ROBO2: variants seen among roughly 807,000 people sequenced by gnomAD.
The protein encoded by ROBO2 is roundabout homolog 2.
Under a neutral mutation model 160.8 loss-of-function variants are expected in ROBO2, and 53 were observed. The ratio of observed to expected loss-of-function variants is 0.33; its 90% CI spans 0.26 to 0.41. The LOEUF is 0.41. Among genes scored for constraint, ROBO2 ranks in the 10% least tolerant of loss-of-function variants. The probability of loss-of-function intolerance (pLI) is 1.00; values close to 1 mark genes in which losing one functional copy is unlikely to be tolerated. For missense variants in ROBO2, 1,577 were observed against 1,722.4 expected, an observed-to-expected ratio of 0.92 and a Z score of 1.49; for synonymous variants, 664 against 611.7, an observed-to-expected ratio of 1.09 and a Z score of -1.26.
chr3:76,603,332 C>CA lies in ROBO2; in HGVS notation c.110-494662dup, dbSNP rs61547121. Among the ~76,000 whole-genome samples, 42 of 66,502 alleles carry CA rather than the reference C, an allele frequency of 6.3e-4. 1 individual carries two copies. The highest frequency in any genetic ancestry group is 1.3e-3 in the South Asian group (2 of 1,592). The allele number at this position is 66,502 out of a possible 152,430, so 43.6% of individuals were successfully genotyped here. On this transcript the variant is annotated intron_variant, in intron 2 of 26. Transcript: ENST00000487694. The stretch of plus-strand genomic sequence containing the variant: ...GGGTGACAGAGCGAGACTCCATCTC[C>CA]AAAAAAAAAAAAAAAAAAAATATAT...
chr3:76,178,972 C>T (rs1039951103), intron 2 of ROBO2, among the ~76,000 whole-genome samples: 12 of 151,942 alleles, frequency 7.9e-5, no homozygotes, highest in Non-Finnish European at 4.4e-5. Flanking sequence ...AAAAAGGAAC[C>T]TTGTTCTTCA....
In ROBO2 at chr3:77,006,032, T is replaced by C. The variant is rs142839892; in HGVS notation, c.110-91982T>C. 5.7e-3 allele frequency among the ~76,000 whole-genome samples: 810 copies of C among 142,856 alleles called. 11 individuals are homozygous for C. Among genetic ancestry groups the C allele is most frequent in the African/African-American group, 0.019 (740 of 38,142 alleles). The allele number at this position is 142,856 out of a possible 152,430, so 93.7% of individuals were successfully genotyped here. Reference sequence around the variant, plus strand: ...GTTAGTCTTATTTGAGCTTTAGATATATTTGCTTATAGACTTTTTTTTTCA... The same window carrying C: ...GTTAGTCTTATTTGAGCTTTAGATACATTTGCTTATAGACTTTTTTTTTCA... On this transcript the variant is annotated intron_variant, in intron 2 of 26. Coordinates refer to the ROBO2 transcript ENST00000487694.
At chr3:76,623,055 T>C (rs1189426850) in intron 2 of ROBO2, among the ~76,000 whole-genome samples, 2 of 146,740 alleles carry the variant, frequency 1.4e-5, no homozygotes, top group African/African-American at 2.5e-5. Flanking sequence ...GAAGCATCAA[T>C]GCATGTACTA....
At chr3:77,419,624 AT>A (rs2077540380) in intron 2 of ROBO2, among the ~76,000 whole-genome samples, 1 of 152,174 alleles carries the variant, frequency 6.6e-6, no homozygotes, top group South Asian at 2.1e-4. Flanking sequence ...ATTACACAAT[AT>A]AAAAATATTA....
chr3:77,071,336 A>G (rs1019440222), intron 1 of ROBO2, among the ~76,000 whole-genome samples: 6 of 152,238 alleles, frequency 3.9e-5, no homozygotes, highest in Middle Eastern at 3.2e-3. Flanking sequence ...ATATGTCAGT[A>G]AAGTCTAAAA....
At chr3:77,374,726 G>C (rs1246294463) in intron 2 of ROBO2, among the ~76,000 whole-genome samples, 1 of 152,182 alleles carries the variant, frequency 6.6e-6, no homozygotes, top group East Asian at 1.9e-4. Context: ...TACTAAGAGA[G>C]TAGCTGAGAT....
chr3:76,367,305 C>A (rs1026553742), intron 2 of ROBO2, among the ~76,000 whole-genome samples: 2 of 151,980 alleles, frequency 1.3e-5, no homozygotes, highest in Admixed American at 1.3e-4. Flanking sequence ...AAACTCATGC[C>A]TGTAGTTATA....
chr3:76,472,698 C>A (rs1457837721), intron 2 of ROBO2, among the ~76,000 whole-genome samples: 1 of 152,114 alleles, frequency 6.6e-6, no homozygotes, highest in African/African-American at 2.4e-5. Context: ...GTTATATAAT[C>A]TCTTAAAAAT....
Position 76,654,915 on chromosome 3 carries a change from A to G in ROBO2, c.110-443099A>G, listed in dbSNP as rs556161429. On this transcript the variant is annotated intron_variant, in intron 2 of 26. Coordinates refer to the ROBO2 transcript ENST00000487694. ...TGCATGTGTGTACATATGTGTGTGTATATATATATATATTTATATATATAA... is the reference window on the plus strand; with the variant it reads ...TGCATGTGTGTACATATGTGTGTGTGTATATATATATATTTATATATATAA... 3.5e-3 allele frequency among the ~76,000 whole-genome samples: 447 copies of G among 128,098 alleles called. 3 individuals are homozygous for G. The highest frequency in any genetic ancestry group is 0.012 in the African/African-American group (399 of 34,154). The allele number at this position is 128,098 out of a possible 152,430, so 84.0% of individuals were successfully genotyped here.
chr3:77,374,221 A>G (rs926646326), intron 2 of ROBO2, among the ~76,000 whole-genome samples: 1 of 150,968 alleles, frequency 6.6e-6, no homozygotes. Flanking sequence ...TAAAGAAAAA[A>G]ACAAACTACA....
rs146307969 is a variant in ROBO2 at position 77,096,223 on chromosome 3, G to A, written c.62-1791G>A. ...TGATTGGTTGGAAAATCTTATATAA[G>A]AGCAAACTTTTAAGAAGTGCTTATC... On this transcript the variant is annotated intron_variant, in intron 1 of 25. Coordinates refer to ENST00000461745, the Ensembl canonical transcript of ROBO2. 1.2e-3 allele frequency among the ~76,000 whole-genome samples: 184 copies of A among 152,166 alleles called. 2 individuals carry two copies. The highest frequency in any genetic ancestry group is 4.3e-3 in the African/African-American group (179 of 41,524).
At chr3:77,039,781 C>T (rs1208648574), upstream of ROBO2, 2 of 152,360 alleles carry the variant, frequency 1.3e-5, no homozygotes, top group East Asian at 3.9e-4. Flanking sequence ...CTCATTCCTC[C>T]CCTCCCCTCC....
intron 2 of ROBO2, among the ~76,000 whole-genome samples, chr3:77,255,946 A>C (rs1340109835): frequency 6.6e-6 from 1 of 152,184 alleles, no homozygotes; most frequent in East Asian, 1.9e-4. Context: ...CTAGAGCTTA[A>C]TGGGTTACTT....
chr3:75,959,301 T>C (rs1948825700), intron 2 of ROBO2, among the ~76,000 whole-genome samples: 7 of 151,740 alleles, frequency 4.6e-5, no homozygotes, highest in Admixed American at 4.0e-4. Context: ...ACAATTAATA[T>C]ATTTTCACTG....
chr3:76,436,180 A>C (rs1269531047), intron 2 of ROBO2, among the ~76,000 whole-genome samples: 3 of 150,790 alleles, frequency 2.0e-5, no homozygotes, highest in Non-Finnish European at 4.4e-5. Flanking sequence ...ACACACACAC[A>C]CCATTTCTTT....
chr3:76,646,393 G>A (rs2090971740), intron 2 of ROBO2, among the ~76,000 whole-genome samples: 1 of 152,188 alleles, frequency 6.6e-6, no homozygotes, highest in Non-Finnish European at 1.5e-5. Context: ...ATGGGCCATT[G>A]ATTGGTACAG....
intron 2 of ROBO2, among the ~76,000 whole-genome samples, chr3:77,304,727 A>C (rs919620659): frequency 6.6e-6 from 1 of 152,198 alleles, no homozygotes; most frequent in African/African-American, 2.4e-5. Context: ...AATTGGAAGA[A>C]CCATTTCCAC....
At chr3:76,747,050 C>T (rs916745187) in intron 2 of ROBO2, among the ~76,000 whole-genome samples, 6 of 152,078 alleles carry the variant, frequency 3.9e-5, no homozygotes, top group Non-Finnish European at 8.8e-5. Flanking sequence ...TCCAGTCTAT[C>T]ATTGATGGGC....
intron 2 of ROBO2, among the ~76,000 whole-genome samples, chr3:77,355,359 T>C (rs1322947704): frequency 6.6e-6 from 1 of 152,230 alleles, no homozygotes; most frequent in Admixed American, 6.5e-5. Flanking sequence ...GCAAAATGCA[T>C]TTGCTATTCA....
Sources: gnomAD v4.1 joint callset for allele counts (sites outside exome capture counted in the v4.1 genomes callset) on GRCh38, gnomAD v4.1.1 for gene constraint, MANE v1.5 for transcripts, NCBI Gene and HGNC (gene_info 2026-07-23, HGNC 2026-07-21) for gene names.